Variants in SH3PXD2A observed in about 807,000 individuals in gnomAD.
The protein encoded by SH3PXD2A is SH3 and PX domain-containing protein 2A.
In SH3PXD2A, 32 loss-of-function variants were observed where a neutral mutation model predicts 115.2. That is an observed-to-expected ratio of 0.28 (90% CI 0.21 to 0.37). The LOEUF (loss-of-function observed/expected upper bound fraction) is 0.37. Ranked by LOEUF, SH3PXD2A falls within the 10% of genes least tolerant of loss-of-function variation. SH3PXD2A has a pLI of 1.00. For synonymous variants in SH3PXD2A, 610 were observed against 629.1 expected (o/e 0.97, Z 0.45); for missense variants, 1,328 against 1,498.7 (o/e 0.89, Z 1.88).
At chr10:103,835,587 T>C (rs538877033) in intron 1 of SH3PXD2A, among the ~76,000 whole-genome samples, 1 of 152,314 alleles carries the variant, frequency 6.6e-6, no homozygotes, top group African/African-American at 2.4e-5. Flanking sequence ...TAAAGTTCTT[T>C]ACCCAGCTAG....
chr10:103,817,922 G>A (rs975315329), intron 1 of SH3PXD2A, among the ~76,000 whole-genome samples: 1 of 152,180 alleles, frequency 6.6e-6, no homozygotes, highest in Admixed American at 6.5e-5. Context: ...GGGTGGGTGG[G>A]TGGCTGTCAG....
chr10:103,748,184 CATACT>C (rs1314485516), intron 3 of SH3PXD2A, among the ~76,000 whole-genome samples: 3 of 152,218 alleles, frequency 2.0e-5, no homozygotes, highest in African/African-American at 7.2e-5. Context: ...CTCTGAGCTA[CATACT>C]GGGTGCTGTT....
At position 103,667,405 on chromosome 10, in the gene SH3PXD2A, G is replaced by A. The variant is rs1012915902; in HGVS notation, c.472+1203C>T. Among the ~76,000 whole-genome samples, 10 of 152,300 alleles carry A rather than the reference G, an allele frequency of 6.6e-5. No homozygotes were observed. In the East Asian group the frequency reaches 1.5e-3, roughly 24 times the overall value. On this transcript the variant is annotated intron_variant, in intron 7 of 14. Transcript: ENST00000369774. The stretch of plus-strand genomic sequence containing the variant: ...CTGGACTGGGACTGCTGGCCCCTCC[G>A]CTATACGTTTGGTGAATAAAATGTA...
At position 103,600,875 on chromosome 10, in the gene SH3PXD2A, C is replaced by T. The variant is rs954181675; in HGVS notation, c.*941G>A. 6.6e-6 allele frequency: 1 copy of T among 152,146 alleles called. No homozygotes were observed. Among genetic ancestry groups the T allele is most frequent in the East Asian group, 1.9e-4 (1 of 5,196 alleles). The allele number at this position is 152,146 out of a possible 1,614,324, so 9.4% of individuals were successfully genotyped here. On this transcript the variant is annotated 3_prime_UTR_variant, in exon 15 of 15. Transcript: ENST00000369774. ...ACCCGCCCACAAGATACAACAGAAA[C>T]CCCATCCACTACCCATCCCCTTCCC... is the stretch of plus-strand genomic sequence containing the variant.
At chr10:103,661,333 T>C (rs1421876073) in intron 7 of SH3PXD2A, among the ~76,000 whole-genome samples, 1 of 151,814 alleles carries the variant, frequency 6.6e-6, no homozygotes, top group African/African-American at 2.4e-5. Flanking sequence ...CCGGGGGACA[T>C]GGGGAGCCAG....
Position 103,599,245 on chromosome 10 carries a change from T to C in SH3PXD2A, c.*2571A>G, listed in dbSNP as rs1564839766. ...TTAATGACTCTATTACTTACAGCAC[T>C]GGGGGTCAAGGAGAGGGGGTCCTTG... On this transcript the variant is annotated 3_prime_UTR_variant, in exon 15 of 15. Coordinates refer to ENST00000369774, the MANE Select transcript of SH3PXD2A (RefSeq NM_001394015.1). 1.0e-5 allele frequency: 1 copy of C among 95,848 alleles called. No homozygotes were observed. Among genetic ancestry groups the C allele is most frequent in the Non-Finnish European group, 2.0e-5 (1 of 50,716 alleles). 5.9% of individuals were successfully genotyped at this position (95,848 alleles called of 1,614,324 possible). A position where few individuals can be genotyped will look rare whatever the true frequency, so the allele number is the denominator to read the frequency against.
intron 2 of SH3PXD2A, among the ~76,000 whole-genome samples, chr10:103,776,055 A>G (rs568880663): frequency 1.8e-4 from 28 of 152,270 alleles, no homozygotes; most frequent in African/African-American, 5.8e-4. Flanking sequence ...GAGGCCACCT[A>G]TATTATCTGG....
At position 103,784,939 on chromosome 10, in the gene SH3PXD2A, C is replaced by G. The variant is rs1041123922; in HGVS notation, c.153+16343G>C. Among the ~76,000 whole-genome samples, 2 of 152,190 alleles carry G rather than the reference C, an allele frequency of 1.3e-5. No homozygotes were observed. The highest frequency in any genetic ancestry group is 2.4e-5 in the African/African-American group (1 of 41,442). ...GTGTCTGCTTAGACGGGTAACCAGT[C>G]TGCAGGTCAGCTCGGGTTGCATCTG... On this transcript the variant is annotated intron_variant, in intron 2 of 14. Transcript: ENST00000369774. This position sits in a 1 kb window ranked among gnomAD's most constrained non-coding sequence, Gnocchi z 4.4.
At chr10:103,776,993 T>A (rs983475983) in intron 2 of SH3PXD2A, among the ~76,000 whole-genome samples, 3 of 152,256 alleles carry the variant, frequency 2.0e-5, no homozygotes, top group Non-Finnish European at 4.4e-5. Context: ...CCGTATACTA[T>A]GAAGAGTCTC....
At chr10:103,693,738 T>C in intron 5 of SH3PXD2A, 1 of 152,252 alleles carries the variant, frequency 6.6e-6, no homozygotes, top group Non-Finnish European at 1.5e-5. Context: ...GATAAGGTCC[T>C]TCTCAAAGGC....
chr10:103,776,833 T>G (rs2038885168), intron 2 of SH3PXD2A, among the ~76,000 whole-genome samples: 2 of 152,188 alleles, frequency 1.3e-5, no homozygotes. Context: ...TAATTACATC[T>G]TGATGACCCT....
At chr10:103,650,162 AGCAGCAGCTCAGCAGCG>A (rs57722046) in intron 8 of SH3PXD2A, among the ~76,000 whole-genome samples, 65,505 of 151,524 alleles carry the variant, frequency 0.43, 14,498 homozygotes, top group African/African-American at 0.52. Context: ...AGGCCAGGTG[AGCAGCAGCTCAGCAGCG>A]GCAGCAGCTC....
intron 8 of SH3PXD2A, among the ~76,000 whole-genome samples, chr10:103,639,134 G>GC (rs1162480985): frequency 3.3e-4 from 50 of 152,338 alleles, no homozygotes; most frequent in South Asian, 4.1e-4. Context: ...GACCCAGACA[G>GC]CCCCATGCAG....
chr10:103,603,031 G>A lies in SH3PXD2A; in HGVS notation c.2187C>T (p.Arg729=), dbSNP rs140971625. 222 of 1,614,056 alleles carry A rather than the reference G, an allele frequency of 1.4e-4. 1 individual carries two copies. In the African/African-American group the frequency reaches 2.3e-3, roughly 17 times the overall value. Reference sequence around the variant, plus strand: ...TCTTTGCCCTGACCTTGGGAGTGCCGCGGATGCCTGCGTCCGAAGCAGAGC... The same window carrying A: ...TCTTTGCCCTGACCTTGGGAGTGCCACGGATGCCTGCGTCCGAAGCAGAGC... ...KPRSASDAGI[R]GTPKVRAKKD... is the part of the protein sequence containing the mutation. The change falls in exon 15 of 15, where the codon CGC becomes CGT. Residue 729 remains arginine, a synonymous_variant. Transcript: ENST00000369774.
chr10:103,612,111 C>T (rs1164144724), intron 12 of SH3PXD2A, among the ~76,000 whole-genome samples: 1 of 152,202 alleles, frequency 6.6e-6, no homozygotes, highest in East Asian at 1.9e-4. Flanking sequence ...AAAGAAACAG[C>T]TTTCCTCCAG....
rs899557772 is a variant in SH3PXD2A at position 103,746,052 on chromosome 10, C to G, written c.230-10244G>C. Reference sequence around the variant, plus strand: ...ACGGCTTGCTTGCAGAAAGCATCAGCGCACCTTGGAGGGAAGAACGATCTC... The same window carrying G: ...ACGGCTTGCTTGCAGAAAGCATCAGGGCACCTTGGAGGGAAGAACGATCTC... On this transcript the variant is annotated intron_variant, in intron 3 of 14. Coordinates refer to ENST00000369774, the MANE Select transcript of SH3PXD2A (RefSeq NM_001394015.1). The surrounding 1 kb of genome is among the most constrained non-coding windows in gnomAD (Gnocchi z 4.4). The G allele has an allele frequency of 6.6e-6, 1 of 152,246 alleles. No homozygotes were observed. The allele number at this position is 152,246 out of a possible 1,614,324, so 9.4% of individuals were successfully genotyped here. A position where few individuals can be genotyped will look rare whatever the true frequency, so the allele number is the denominator to read the frequency against.
Position 103,612,350 on chromosome 10 carries a change from T to C in SH3PXD2A, c.1258+503A>G, listed in dbSNP as rs373380027. ...GTTTCCAGTAACGAGTGGAAAGTCATAGGGAAGGAGCTGCTAAGGCCCAGA... is the reference window on the plus strand; with the variant it reads ...GTTTCCAGTAACGAGTGGAAAGTCACAGGGAAGGAGCTGCTAAGGCCCAGA... On this transcript the variant is annotated intron_variant, in intron 12 of 14. Transcript: ENST00000369774. Among the ~76,000 whole-genome samples, 7 of 152,242 alleles carry C rather than the reference T, an allele frequency of 4.6e-5. No individual in the cohort carries two copies. The East Asian group carries it at 7.7e-4, about 17-fold the overall frequency.
intron 1 of SH3PXD2A, among the ~76,000 whole-genome samples, chr10:103,843,920 C>G (rs1057019966): frequency 2.6e-5 from 4 of 152,162 alleles, no homozygotes; most frequent in African/African-American, 7.2e-5. Context: ...TTAAATGAGA[C>G]AAGTGCCTGC....
intron 10 of SH3PXD2A, among the ~76,000 whole-genome samples, chr10:103,619,695 C>A (rs1196875459): frequency 6.6e-6 from 1 of 152,192 alleles, no homozygotes; most frequent in Non-Finnish European, 1.5e-5. Flanking sequence ...CTCCTGACCT[C>A]TTGGGGGTGG....
Sources: allele counts gnomAD v4.1 joint callset (sites outside exome capture counted in the v4.1 genomes callset), GRCh38; gene constraint gnomAD v4.1.1; non-coding constraint Gnocchi (gnomAD v3.1); transcripts MANE v1.5; gene names NCBI Gene and HGNC (gene_info 2026-07-23, HGNC 2026-07-21).